The following CFTR variants were observed in gnomAD, a reference collection of about 807,000 sequenced individuals.
CFTR encodes the protein CF transmembrane conductance regulator.
Under a neutral mutation model 171.6 loss-of-function variants are expected in CFTR, and 181 were observed. That is an observed-to-expected ratio of 1.05 (90% CI 0.93 to 1.19). The LOEUF (loss-of-function observed/expected upper bound fraction) is 1.19. Among genes scored for constraint, CFTR ranks in the 50% most tolerant of loss-of-function variants. CFTR has a pLI of 0.00. For missense variants in CFTR, 1,968 were observed against 1,734.7 expected, an observed-to-expected ratio of 1.13 and a Z score of -2.39; for synonymous variants, 583 against 608.0, an observed-to-expected ratio of 0.96 and a Z score of 0.60.
rs747096924 is a variant in CFTR at position 117,635,609 on chromosome 7, T to C, written c.3718-6829T>C. On this transcript the variant is annotated intron_variant, in intron 22 of 26. Coordinates refer to ENST00000003084, the MANE Select transcript of CFTR (RefSeq NM_000492.4). ...CATTTTCTTTTCTTAGCATAGTAAT[T>C]CTTCTTTAAAAAAACATTTTTTAGT... is the stretch of plus-strand genomic sequence containing the variant. 3.3e-5 allele frequency among the ~76,000 whole-genome samples: 5 copies of C among 152,066 alleles called. No homozygotes were observed. The East Asian group carries it at 9.6e-4, about 29-fold the overall frequency.
intron 11 of CFTR, among the ~76,000 whole-genome samples, chr7:117,575,365 A>C (rs904628003): frequency 3.3e-5 from 5 of 152,106 alleles, no homozygotes; most frequent in African/African-American, 1.2e-4. Flanking sequence ...AAGATGCTAT[A>C]TATTTTCATG....
rs563531507 is a variant in CFTR at position 117,495,647 on chromosome 7, T to TCA, written c.54-8604_54-8603dup. Among the ~76,000 whole-genome samples the TCA allele has an allele frequency of 8.5e-4, 129 of 152,280 alleles. 1 individual carries two copies. The highest frequency in any genetic ancestry group is 3.7e-3 in the Admixed American group (57 of 15,290). Reference sequence around the variant, plus strand: ...CAATTTACACAACTCATGGTGCATGTCACCAGTCCTTAGATCTCATGAAAT... The same window carrying TCA: ...CAATTTACACAACTCATGGTGCATGTCACACCAGTCCTTAGATCTCATGAAAT... On this transcript the variant is annotated intron_variant, in intron 1 of 26. Coordinates refer to ENST00000003084, the MANE Select transcript of CFTR (RefSeq NM_000492.4).
rs763298273 is a variant in CFTR, at chr7:117,627,612, C to A, written c.3559C>A (p.Leu1187Ile). Residue 1187 changes from leucine (L) to isoleucine (I), a missense_variant, in exon 22 of 27, where the codon CTC becomes ATC. Coordinates refer to ENST00000003084, the MANE Select transcript of CFTR (RefSeq NM_000492.4). ...AACCAAACCATACAAGAATGGCCAA[C>A]TCTCGAAAGTTATGATTATTGAGAA... The part of the protein sequence containing the change: ...KSTKPYKNGQ[L>I]SKVMIIENSH... The A allele has an allele frequency of 9.3e-6, 15 of 1,613,492 alleles. No individual in the cohort carries two copies. The highest frequency in any genetic ancestry group is 1.3e-5 in the Non-Finnish European group (15 of 1,179,590).
At chr7:117,518,910 A>G (rs998611577) in intron 3 of CFTR, among the ~76,000 whole-genome samples, 17 of 152,314 alleles carry the variant, frequency 1.1e-4, no homozygotes, top group Middle Eastern at 6.8e-3. Context: ...GTATTACTTT[A>G]GAAATTAAAA....
chr7:117,499,963 C>G (rs1798295529), intron 1 of CFTR, among the ~76,000 whole-genome samples: 1 of 152,144 alleles, frequency 6.6e-6, no homozygotes, highest in Non-Finnish European at 1.5e-5. Context: ...GAGGGGAAGA[C>G]AGCAGGCCCA....
intron 18 of CFTR, 68 bp downstream of exon 18, chr7:117,606,821 A>G: frequency 1.1e-6 from 1 of 938,578 alleles, no homozygotes; most frequent in Non-Finnish European, 1.8e-6. Flanking sequence ...AGCAAATGTG[A>G]TTTTGTTTTC....
At chr7:117,542,139 A>T in intron 9 of CFTR, 31 bp downstream of exon 9, 3 of 1,009,994 alleles carry the variant, frequency 3.0e-6, no homozygotes, top group Non-Finnish European at 4.8e-6. Context: ...GTTTGCTCTA[A>T]ACACCTAACT....
intron 10 of CFTR, among the ~76,000 whole-genome samples, chr7:117,555,061 C>T (rs1483010249): frequency 6.6e-6 from 1 of 151,858 alleles, no homozygotes; most frequent in East Asian, 1.9e-4. Context: ...TCAGTTAATA[C>T]ATTGGAAAAT....
At chr7:117,596,052 G>C (rs537790050) in intron 15 of CFTR, among the ~76,000 whole-genome samples, 17 of 152,330 alleles carry the variant, frequency 1.1e-4, no homozygotes, top group African/African-American at 3.8e-4. Context: ...CTGGCTGTGC[G>C]TGAGGAGCCC....
chr7:117,645,150 C>G (rs964579271), intron 23 of CFTR, among the ~76,000 whole-genome samples: 3 of 152,058 alleles, frequency 2.0e-5, no homozygotes, highest in African/African-American at 7.2e-5. Flanking sequence ...CAAATGCGAC[C>G]AAAACAAGTG....
intron 9 of CFTR, among the ~76,000 whole-genome samples, chr7:117,544,764 C>A (rs1183484640): frequency 6.6e-6 from 1 of 152,222 alleles, no homozygotes; most frequent in Non-Finnish European, 1.5e-5. Context: ...CTCTTCTTCC[C>A]TTTGCTGTCA....
intron 3 of CFTR, among the ~76,000 whole-genome samples, chr7:117,529,513 TAAA>T (rs61443875): frequency 0.047 from 5,657 of 119,944 alleles, 360 homozygotes; most frequent in African/African-American, 0.15. Context: ...ACTTAGAGTA[TAAA>T]AAAAAAAAAA....
chr7:117,655,816 T>C (rs1793157781), intron 24 of CFTR, among the ~76,000 whole-genome samples: 1 of 152,076 alleles, frequency 6.6e-6, no homozygotes, highest in Non-Finnish European at 1.5e-5. Context: ...TGCCAGCAGA[T>C]TTTGTGTCTG....
At chr7:117,551,241 C>T (rs1799265263) in intron 10 of CFTR, among the ~76,000 whole-genome samples, 1 of 151,872 alleles carries the variant, frequency 6.6e-6, no homozygotes, top group Non-Finnish European at 1.5e-5. Context: ...GTTATTCAGC[C>T]AATAAAAGGT....
At chr7:117,627,955 T>C in intron 22 of CFTR, 185 bp downstream of exon 22, 1 of 619,834 alleles carries the variant, frequency 1.6e-6, no homozygotes, top group East Asian at 2.9e-5. Context: ...TGCAGAGTCC[T>C]GAACCTATAT....
At chr7:117,665,812 T>C (rs538414435) in intron 26 of CFTR, among the ~76,000 whole-genome samples, 2 of 152,332 alleles carry the variant, frequency 1.3e-5, no homozygotes, top group Admixed American at 6.5e-5. Context: ...ATAAATAGGA[T>C]ATATATACTT....
chr7:117,524,044 G>T (rs183406416), intron 3 of CFTR, among the ~76,000 whole-genome samples: 2 of 152,134 alleles, frequency 1.3e-5, no homozygotes, highest in African/African-American at 2.4e-5. Flanking sequence ...TTTATCAGTA[G>T]TTCTATATTC....
chr7:117,593,571 A>G (rs1020642900), intron 14 of CFTR, among the ~76,000 whole-genome samples: 2 of 152,054 alleles, frequency 1.3e-5, no homozygotes, highest in African/African-American at 4.8e-5. Context: ...ATGATAATTC[A>G]TCTATATAGT....
chr7:117,569,786 T>C lies in CFTR; in HGVS notation c.1584+10131T>C, dbSNP rs551894451. On this transcript the variant is annotated intron_variant, in intron 11 of 26. Transcript: ENST00000003084. ...GTGTGGATGCAAATATGAGGTAGGA[T>C]GTAATGGGAAGTTGAGCGAATTCAT... is the stretch of plus-strand genomic sequence containing the variant. Among the ~76,000 whole-genome samples, 2 of 152,148 alleles carry C rather than the reference T, an allele frequency of 1.3e-5. 1 individual carries two copies. The highest frequency in any genetic ancestry group is 4.1e-4 in the South Asian group (2 of 4,822).
Sources: gnomAD v4.1 joint callset for allele counts (sites outside exome capture counted in the v4.1 genomes callset) on GRCh38, gnomAD v4.1.1 for gene constraint, MANE v1.5 for transcripts, NCBI Gene and HGNC (gene_info 2026-07-23, HGNC 2026-07-21) for gene names.